Variants in USP10 observed in about 807,000 individuals in gnomAD.
USP10 encodes the protein ubiquitin specific peptidase 10.
In USP10, 22 loss-of-function variants were observed where a neutral mutation model predicts 84.5. That is an observed-to-expected ratio of 0.26 (90% CI 0.19 to 0.37). The LOEUF is 0.37. USP10 is among the 10% of genes least tolerant of loss of function. USP10 has a pLI of 1.00. For synonymous variants in USP10, 454 were observed against 387.6 expected (o/e 1.17, Z -2.01); for missense variants, 1,019 against 998.9 (o/e 1.02, Z -0.27).
chr16:84,740,493 G>T, intron 3 of USP10, 124 bp downstream of exon 3: 1 of 766,084 alleles, frequency 1.3e-6, no homozygotes, highest in East Asian at 2.7e-5. Context: ...AGTTTTTGCT[G>T]TAAACTGTAA....
At chr16:84,758,244 A>T (rs1256447863) in intron 4 of USP10, among the ~76,000 whole-genome samples, 1 of 152,166 alleles carries the variant, frequency 6.6e-6, no homozygotes, top group African/African-American at 2.4e-5. Flanking sequence ...ACACACAGTG[A>T]TGTGTAGGGT....
chr16:84,710,551 T>G (rs1049955533), intron 1 of USP10, among the ~76,000 whole-genome samples: 1 of 152,158 alleles, frequency 6.6e-6, no homozygotes, highest in African/African-American at 2.4e-5. Flanking sequence ...TAGGGACATA[T>G]TCCCTTTATT....
intron 4 of USP10, among the ~76,000 whole-genome samples, chr16:84,747,779 C>T (rs1214144316): frequency 6.6e-6 from 1 of 151,898 alleles, no homozygotes; most frequent in Non-Finnish European, 1.5e-5. Context: ...GCTGCCCAGG[C>T]TGGCCTCAAA....
At chr16:84,735,301 C>T (rs570146912) in intron 2 of USP10, among the ~76,000 whole-genome samples, 3 of 151,780 alleles carry the variant, frequency 2.0e-5, no homozygotes, top group South Asian at 2.1e-4. Context: ...TGTAACCATA[C>T]GTTTTAGTTG....
intron 1 of USP10, among the ~76,000 whole-genome samples, chr16:84,719,938 AT>A: frequency 6.6e-6 from 1 of 152,212 alleles, no homozygotes; most frequent in East Asian, 1.9e-4. Context: ...GCATTCTTTT[AT>A]TTTCAACAGA....
Position 84,745,127 on chromosome 16 carries a change from A to G in USP10, c.646A>G (p.Thr216Ala), listed in dbSNP as rs767436735. ...GACTTGTAACAGCCCCCAGAACTCC[A>G]CAGACTCTGTCAGTGACATTGTGCC... ...PRTCNSPQNS[T>A]DSVSDIVPDS... is the part of the protein sequence containing the mutation. The change falls in exon 4 of 14, where the codon ACA (threonine) becomes GCA (alanine). Residue 216 changes from threonine to alanine, a missense_variant. Coordinates refer to ENST00000219473, the MANE Select transcript of USP10 (RefSeq NM_005153.3). 8 of 1,613,362 alleles carry G rather than the reference A, an allele frequency of 5.0e-6. No homozygotes were observed. Among genetic ancestry groups the G allele is most frequent in the Non-Finnish European group, 2.5e-6 (3 of 1,179,672 alleles).
chr16:84,775,275 G>T, intron 13 of USP10, 50 bp downstream of exon 13: 1 of 1,576,646 alleles, frequency 6.3e-7, no homozygotes, highest in East Asian at 2.2e-5. Flanking sequence ...CTGATGAAGG[G>T]GTTTACAGCT....
rs2150822206 is a variant in USP10, at chr16:84,744,923, G to C, written c.442G>C (p.Glu148Gln). 6.2e-7 allele frequency: 1 copy of C among 1,613,712 alleles called. No homozygotes were observed. Among genetic ancestry groups the C allele is most frequent in the African/African-American group, 1.3e-5 (1 of 75,004 alleles). The part of the protein sequence containing the change: ...DGVSGGLGQR[E>Q]RKKKKKRPPG... ...TGTCTCAGGTGGTCTTGGACAAAGG[G>C]AGCGTAAAAAGAAGAAAAAGCGGCC... The change falls in exon 4 of 14, where the codon GAG (glutamate) becomes CAG (glutamine). Residue 148 changes from glutamate (E) to glutamine (Q), a missense_variant. Around this residue, in one of 2 missense-constraint regions of USP10, gnomAD observed 787 missense variants for 708.8 expected, o/e 1.11. Transcript: ENST00000219473.
chr16:84,729,334 TC>T (rs772224057), intron 1 of USP10, among the ~76,000 whole-genome samples: 8 of 152,236 alleles, frequency 5.3e-5, no homozygotes, highest in Non-Finnish European at 1.2e-4. Flanking sequence ...TCTAAGAAAT[TC>T]CGTTTTATTC....
At position 84,763,078 on chromosome 16, in the gene USP10, A is replaced by G. The variant is rs367843621; in HGVS notation, c.1644A>G (p.Pro548=). The change falls in exon 9 of 14, where the codon CCA becomes CCG. Residue 548 remains proline, a synonymous_variant. Coordinates refer to ENST00000219473, the MANE Select transcript of USP10 (RefSeq NM_005153.3). ...TGAACCTAAAGAAGCTTCTCTCACCAAGTAATGAAAGTAGGTTATGGTCCA... is the reference window on the plus strand; with the variant it reads ...TGAACCTAAAGAAGCTTCTCTCACCGAGTAATGAAAGTAGGTTATGGTCCA... ...EMLNLKKLLS[P]SNEKLTISNG... 3 of 1,608,968 alleles carry G rather than the reference A, an allele frequency of 1.9e-6. No individual in the cohort carries two copies. The highest frequency in any genetic ancestry group is 2.2e-5 in the East Asian group (1 of 44,822).
At chr16:84,753,165 G>A (rs1157587776) in intron 4 of USP10, among the ~76,000 whole-genome samples, 40 of 151,868 alleles carry the variant, frequency 2.6e-4, no homozygotes, top group Admixed American at 2.6e-3. Flanking sequence ...ATTTTTCATA[G>A]CAACAGAGTC....
At chr16:84,776,514 C>A (rs1444550717) in intron 13 of USP10, among the ~76,000 whole-genome samples, 1 of 152,218 alleles carries the variant, frequency 6.6e-6, no homozygotes, top group Non-Finnish European at 1.5e-5. Context: ...CCAGCCCTGT[C>A]TGGAATGGAA....
intron 1 of USP10, among the ~76,000 whole-genome samples, chr16:84,727,604 T>G (rs1908671498): frequency 6.6e-6 from 1 of 152,244 alleles, no homozygotes; most frequent in Non-Finnish European, 1.5e-5. Flanking sequence ...ATTAAATCCA[T>G]TTGCTTAATC....
intron 4 of USP10, among the ~76,000 whole-genome samples, chr16:84,758,187 C>T (rs1287130532): frequency 1.3e-5 from 2 of 152,124 alleles, no homozygotes; most frequent in Admixed American, 6.5e-5. Flanking sequence ...TGTAGGAGAC[C>T]GCTGTCTCTG....
Position 84,764,090 on chromosome 16 carries a change from T to G in USP10, c.1659T>G (p.Leu553=), listed in dbSNP as rs1232424663. ...KKLLSPSNEK[L]TISNGPKNHS... Reference sequence around the variant, plus strand: ...AGCAGATGCTCTCCTTTTCAGAACTTACGATTTCCAACGGCCCCAAAAACC... The same window carrying G: ...AGCAGATGCTCTCCTTTTCAGAACTGACGATTTCCAACGGCCCCAAAAACC... The change falls in exon 10 of 14, where the codon CTT becomes CTG. Residue 553 remains leucine, a synonymous_variant. Coordinates refer to ENST00000219473, the MANE Select transcript of USP10 (RefSeq NM_005153.3). 1.2e-5 allele frequency: 19 copies of G among 1,612,788 alleles called. No homozygotes were observed. The highest frequency in any genetic ancestry group is 1.6e-5 in the Non-Finnish European group (19 of 1,179,354).
chr16:84,772,413 C>T, intron 11 of USP10, 128 bp from the exon 12 acceptor site: 1 of 1,313,680 alleles, frequency 7.6e-7, no homozygotes, highest in Non-Finnish European at 1.1e-6. Flanking sequence ...CAGGAAAAGC[C>T]ATGAAGTCCT....
chr16:84,706,552 A>T (rs985246405), intron 1 of USP10, among the ~76,000 whole-genome samples: 4 of 148,318 alleles, frequency 2.7e-5, no homozygotes, highest in Non-Finnish European at 6.0e-5. Context: ...ATATATATAT[A>T]TTTTTTGAGA....
chr16:84,758,629 C>G (rs532483079), intron 4 of USP10, 87 bp from the exon 5 acceptor site: 106 of 937,554 alleles, frequency 1.1e-4, no homozygotes, highest in Non-Finnish European at 1.3e-4. Flanking sequence ...ATTTTAAATG[C>G]TGTCCCAGAG....
intron 10 of USP10, among the ~76,000 whole-genome samples, chr16:84,765,513 G>C (rs1254014839): frequency 6.7e-6 from 1 of 149,436 alleles, no homozygotes; most frequent in African/African-American, 2.5e-5. Context: ...ATGTATAAGT[G>C]AGACCATGCA....
Sources: gnomAD v4.1 joint callset for allele counts (sites outside exome capture counted in the v4.1 genomes callset) on GRCh38, gnomAD v4.1.1 for gene constraint, gnomAD v4.1.1 regional missense constraint, MANE v1.5 for transcripts, NCBI Gene and HGNC (gene_info 2026-07-23, HGNC 2026-07-21) for gene names.